Variants in NRAP observed in about 807,000 individuals in gnomAD.
The protein encoded by NRAP is nebulin related anchoring protein.
A neutral mutation model predicts 225.9 loss-of-function variants in NRAP; 189 were observed. The ratio of observed to expected loss-of-function variants is 0.84; its 90% CI spans 0.74 to 0.94. The LOEUF (loss-of-function observed/expected upper bound fraction) is 0.94. Ranked by LOEUF, NRAP falls within the 40% of genes least tolerant of loss-of-function variation. NRAP has a pLI of 0.00. For synonymous variants in NRAP, 769 were observed against 790.7 expected, an observed-to-expected ratio of 0.97 and a Z score of 0.46; for missense variants, 2,176 against 2,168.7, an observed-to-expected ratio of 1.00 and a Z score of -0.07.
At chr10:113,652,729 C>G (rs1850054746) in intron 6 of NRAP, among the ~76,000 whole-genome samples, 2 of 152,132 alleles carry the variant, frequency 1.3e-5, no homozygotes, top group Non-Finnish European at 1.5e-5. Context: ...ACTATACATT[C>G]TTCTCTGTAT....
At chr10:113,620,556 G>A (rs375202386) in intron 25 of NRAP, 48 bp downstream of exon 25, 244 of 1,168,894 alleles carry the variant, frequency 2.1e-4, no homozygotes, top group African/African-American at 1.3e-3. Flanking sequence ...CAGAGACGCC[G>A]CACGCCTAAT....
intron 27 of NRAP, 131 bp from the exon 28 acceptor site, chr10:113,615,077 A>T: frequency 3.7e-5 from 17 of 458,176 alleles, no homozygotes; most frequent in East Asian, 1.0e-4. Flanking sequence ...GTTAGAGATC[A>T]TGGTGGCTTA....
Position 113,603,630 on chromosome 10 carries a change from C to T in NRAP, c.4227+979G>A, listed in dbSNP as rs541710287. 6.9e-4 allele frequency among the ~76,000 whole-genome samples: 105 copies of T among 152,248 alleles called. 1 individual carries two copies. Among genetic ancestry groups the T allele is most frequent in the African/African-American group, 2.3e-3 (96 of 41,548 alleles). ...CACATCACCACCCTCGTCCTTACTC[C>T]GCAGAGCCTAGGCCCTGCTCAGACC... On this transcript the variant is annotated intron_variant, in intron 35 of 41. Transcript: ENST00000359988.
intron 19 of NRAP, 32 bp from the exon 20 acceptor site, chr10:113,629,053 G>C (rs1254287129): frequency 1.8e-5 from 27 of 1,462,094 alleles, no homozygotes; most frequent in Admixed American, 5.0e-5. Context: ...GCTCTCATTG[G>C]GCGCATGGAT....
intron 9 of NRAP, among the ~76,000 whole-genome samples, chr10:113,649,635 T>C (rs1378987305): frequency 6.6e-6 from 1 of 152,194 alleles, no homozygotes; most frequent in Non-Finnish European, 1.5e-5. Flanking sequence ...TCTAAGAAAA[T>C]GAGCACCACT....
chr10:113,647,086 T>G, intron 9 of NRAP, 59 bp from the exon 10 acceptor site: 1 of 1,012,840 alleles, frequency 9.9e-7, no homozygotes, highest in East Asian at 2.4e-5. Context: ...TGGGTGGGGT[T>G]CAGCAATGGT....
At chr10:113,632,353 T>TA (rs1211357420) in intron 16 of NRAP, among the ~76,000 whole-genome samples, 1 of 152,258 alleles carries the variant, frequency 6.6e-6, no homozygotes, top group Non-Finnish European at 1.5e-5. Context: ...TGGTGAAGCA[T>TA]AACATAAGTG....
intron 38 of NRAP, among the ~76,000 whole-genome samples, chr10:113,594,498 A>G (rs891792993): frequency 6.6e-6 from 1 of 152,152 alleles, no homozygotes; most frequent in Non-Finnish European, 1.5e-5. Context: ...TGGGTCTCCA[A>G]TCGTTCCTCA....
At chr10:113,621,172 G>C (rs536961995) in intron 24 of NRAP, among the ~76,000 whole-genome samples, 20 of 152,236 alleles carry the variant, frequency 1.3e-4, no homozygotes, top group East Asian at 5.8e-4. Context: ...CCACCTCAGT[G>C]GGGGGGCAGG....
intron 29 of NRAP, 23 bp from the exon 30 acceptor site, chr10:113,612,454 A>T (rs757183705): frequency 6.2e-7 from 1 of 1,602,032 alleles, no homozygotes; most frequent in Non-Finnish European, 8.5e-7. Context: ...ACAGAGCAAC[A>T]GCAGCTATTT....
intron 35 of NRAP, among the ~76,000 whole-genome samples, chr10:113,601,940 C>T (rs952399791): frequency 1.3e-5 from 2 of 152,152 alleles, no homozygotes; most frequent in African/African-American, 4.8e-5. Flanking sequence ...GGCTGAAGTG[C>T]AGTAGCACAA....
Position 113,617,343 on chromosome 10 carries a change from C to T in NRAP, c.2973+112G>A, listed in dbSNP as rs575574420. 4 of 714,708 alleles carry T rather than the reference C, an allele frequency of 5.6e-6. No individual in the cohort carries two copies. In the East Asian group the frequency reaches 1.0e-4, roughly 18 times the overall value. 44.3% of individuals were successfully genotyped at this position (714,708 alleles called of 1,614,324 possible). ...AGCCTCTGCAAAGGACAGGGAGCGC[C>T]TTCATCCTTAGGACAACAGAAGGAG... On this transcript the variant is annotated intron_variant, in intron 26 of 41. Coordinates refer to ENST00000359988, the MANE Select transcript of NRAP (RefSeq NM_198060.4).
chr10:113,590,570 T>C lies in NRAP; in HGVS notation c.4956+8A>G. 6.2e-7 allele frequency: 1 copy of C among 1,605,318 alleles called. No individual in the cohort carries two copies. The highest frequency in any genetic ancestry group is 8.5e-7 in the Non-Finnish European group (1 of 1,177,496). ...AGGGCCTCAAGGGAGTGGGTGGAGG[T>C]GGCTCACATCACTCTGCAGCTGGTG... is the stretch of plus-strand genomic sequence containing the variant. On this transcript the variant is annotated splice_region_variant and intron_variant, in intron 40 of 41. Coordinates refer to ENST00000359988, the MANE Select transcript of NRAP (RefSeq NM_198060.4).
chr10:113,627,349 G>A (rs188709758), intron 20 of NRAP, among the ~76,000 whole-genome samples: 306 of 152,302 alleles, frequency 2.0e-3, no homozygotes, highest in African/African-American at 6.9e-3. Flanking sequence ...ACAGAGCACA[G>A]AAGGAACATA....
chr10:113,640,411 A>G (rs1275600050), intron 13 of NRAP, 80 bp from the exon 14 acceptor site: 3 of 741,414 alleles, frequency 4.0e-6, no homozygotes, highest in African/African-American at 3.7e-5. Flanking sequence ...CATAAGAAAT[A>G]TTTTTTAAAT....
intron 35 of NRAP, among the ~76,000 whole-genome samples, chr10:113,603,655 C>G (rs1487957218): frequency 6.6e-6 from 1 of 152,178 alleles, no homozygotes; most frequent in Non-Finnish European, 1.5e-5. Flanking sequence ...CTGCTCAGAC[C>G]CTGTGATTCC....
At position 113,604,693 on chromosome 10, in the gene NRAP, G is replaced by C; in HGVS notation, c.4143C>G (p.Tyr1381Ter). 3 of 1,614,208 alleles carry C rather than the reference G, an allele frequency of 1.9e-6. No homozygotes were observed. The highest frequency in any genetic ancestry group is 1.7e-6 in the Non-Finnish European group (2 of 1,180,034). ...NAQALASDHD[Y>*]RTQYHKFTAL... ...CTGTGAACTTGTGATACTGTGTCCT[G>C]TAGTCGTGGTCGCTGGCCAGAGCCT... Residue 1381 changes from tyrosine (Y) to a stop codon, truncating the protein, a stop_gained, in exon 35 of 42, where the codon TAC (tyrosine) becomes TAG (stop). Coordinates refer to ENST00000359988, the MANE Select transcript of NRAP (RefSeq NM_198060.4). LOFTEE classifies it high-confidence loss of function.
chr10:113,607,667 GAACT>G lies in NRAP; in HGVS notation c.3702+743_3702+746del, dbSNP rs143577460. Among the ~76,000 whole-genome samples the G allele has an allele frequency of 8.6e-3, 1,310 of 152,244 alleles. 26 individuals are homozygous for G. Among genetic ancestry groups the G allele is most frequent in the African/African-American group, 0.03 (1,244 of 41,528 alleles). On this transcript the variant is annotated intron_variant, in intron 32 of 41. Coordinates refer to ENST00000359988, the MANE Select transcript of NRAP (RefSeq NM_198060.4). ...CTTGCTTTTCAGTTGAAGCAAGTAG[GAACT>G]AATAGGGTAAATAACCAAATCTCAG...
Position 113,650,065 on chromosome 10 carries a change from G to A in NRAP, c.860C>T (p.Thr287Ile), listed in dbSNP as rs1564755589. 2 of 1,609,008 alleles carry A rather than the reference G, an allele frequency of 1.2e-6. No individual in the cohort carries two copies. Among genetic ancestry groups the A allele is most frequent in the African/African-American group, 2.7e-5 (2 of 74,796 alleles). ...GCCATATTGGTCTGCACATTCCCTT[G>A]TCAAGATGCCCTCAGCTCCAATGGC... is the stretch of plus-strand genomic sequence containing the variant. Reference protein sequence around the residue: ...GPAIGAEGILTRECADQYGQG... With the variant: ...GPAIGAEGILIRECADQYGQG... The change falls in exon 9 of 42, where the codon ACA (threonine) becomes ATA (isoleucine). Residue 287 changes from threonine (T) to isoleucine (I), a missense_variant. Around this residue, in one of 3 missense-constraint regions of NRAP, gnomAD observed 1,708 missense variants for 1,695.5 expected, o/e 1.01. Transcript: ENST00000359988.
Sources: gnomAD v4.1 joint callset for allele counts (sites outside exome capture counted in the v4.1 genomes callset) on GRCh38, gnomAD v4.1.1 for gene constraint, gnomAD v4.1.1 regional missense constraint, MANE v1.5 for transcripts, NCBI Gene and HGNC (gene_info 2026-07-23, HGNC 2026-07-21) for gene names.